The following PDE4A variants were observed in gnomAD, a reference collection of about 807,000 sequenced individuals.
PDE4A encodes the protein phosphodiesterase 4A.
Under a neutral mutation model 73.9 loss-of-function variants are expected in PDE4A, and 21 were observed. The ratio of observed to expected loss-of-function variants is 0.28; its 90% CI spans 0.20 to 0.41. The LOEUF is 0.41. PDE4A is among the 10% of genes least tolerant of loss of function. The probability of loss-of-function intolerance (pLI) is 1.00; values close to 1 mark genes in which losing one functional copy is unlikely to be tolerated. For missense variants in PDE4A, 958 were observed against 1,211.4 expected (o/e 0.79, Z 3.10); for synonymous variants, 463 against 505.4 (o/e 0.92, Z 1.13).
At chr19:10,417,887 G>A (rs1420029917), upstream of PDE4A, 6 of 1,540,338 alleles carry the variant, frequency 3.9e-6, no homozygotes, top group Non-Finnish European at 5.2e-6. Context: ...AGGGAGCAGA[G>A]TGGGAGGTGG....
chr19:10,427,834 A>T, intron 1 of PDE4A: 1 of 985,300 alleles, frequency 1.0e-6, no homozygotes, highest in Non-Finnish European at 1.2e-6. Flanking sequence ...TTGGTCGGTG[A>T]ACAAAAATGC....
chr19:10,418,802 C>T (rs1599391599), upstream of PDE4A: 2 of 985,218 alleles, frequency 2.0e-6, no homozygotes, highest in South Asian at 9.4e-5. Flanking sequence ...CAGCATACCC[C>T]GCCAAGAATT....
intron 1 of PDE4A, among the ~76,000 whole-genome samples, chr19:10,427,180 A>G (rs940910383): frequency 3.3e-5 from 5 of 152,074 alleles, no homozygotes; most frequent in Non-Finnish European, 5.9e-5. Flanking sequence ...AGTGCCTGTA[A>G]TCCCAGCTAC....
chr19:10,467,307 GCA>G lies in PDE4A; in HGVS notation c.2350_2351del (p.Gln784ValfsTer11). ...GGAGGCAGTGTATTTGACACAGCAG[GCA>G]CAGTCCACAGGCAGTGCACCTGTGG... ...ELEAVYLTQQ[A>X]QSTGSAPVAP... On this transcript the variant is annotated frameshift_variant, in exon 15 of 15. Coordinates refer to ENST00000380702, the MANE Select transcript of PDE4A (RefSeq NM_001111307.2). LOFTEE classifies it low-confidence loss of function (END_TRUNC). 2 of 1,614,202 alleles carry G rather than the reference GCA, an allele frequency of 1.2e-6. No individual in the cohort carries two copies. Among genetic ancestry groups the G allele is most frequent in the Non-Finnish European group, 1.7e-6 (2 of 1,180,036 alleles).
At position 10,457,751 on chromosome 19, in the gene PDE4A, A is replaced by G. The variant is rs1266548454; in HGVS notation, c.878-128A>G. 3 of 1,473,158 alleles carry G rather than the reference A, an allele frequency of 2.0e-6. No individual in the cohort carries two copies. In the African/African-American group the frequency reaches 4.2e-5, roughly 21 times the overall value. 91.3% of individuals were successfully genotyped at this position (1,473,158 alleles called of 1,614,324 possible). A position where few individuals can be genotyped will look rare whatever the true frequency, so the allele number is the denominator to read the frequency against. The stretch of plus-strand genomic sequence containing the variant: ...TTCCTGACTCTGAGTAGCCAGCGGC[A>G]TCACAGCTGAAAGGGTTCTGCCGTT... On this transcript the variant is annotated intron_variant, in intron 7 of 14. Coordinates refer to ENST00000380702, the MANE Select transcript of PDE4A (RefSeq NM_001111307.2).
At chr19:10,440,271 A>G (rs2042919742) in intron 1 of PDE4A, among the ~76,000 whole-genome samples, 1 of 151,990 alleles carries the variant, frequency 6.6e-6, no homozygotes, top group Non-Finnish European at 1.5e-5. Flanking sequence ...GGCATGAGCC[A>G]CCTCACCAGA....
chr19:10,463,789 G>A lies in PDE4A; in HGVS notation c.1744-4G>A. 1 of 1,613,962 alleles carries A rather than the reference G, an allele frequency of 6.2e-7. No individual in the cohort carries two copies. Among genetic ancestry groups the A allele is most frequent in the Non-Finnish European group, 8.5e-7 (1 of 1,179,902 alleles). On this transcript the variant is annotated splice_polypyrimidine_tract_variant and splice_region_variant and intron_variant, in intron 13 of 14. Coordinates refer to ENST00000380702, the MANE Select transcript of PDE4A (RefSeq NM_001111307.2). ...AGTTTCCCCTGTGCCCCAACCCCAT[G>A]CAGGTCCTCCGGAACATGGTGCACT... is the stretch of plus-strand genomic sequence containing the variant.
At chr19:10,448,735 C>T (rs2043048264) in intron 2 of PDE4A, 182 bp from the exon 3 acceptor site, 3 of 819,138 alleles carry the variant, frequency 3.7e-6, no homozygotes, top group Non-Finnish European at 4.4e-6. Flanking sequence ...CCTTGACTGC[C>T]ATTTCTTCCA....
chr19:10,432,706 C>T, intron 1 of PDE4A: 2 of 769,094 alleles, frequency 2.6e-6, no homozygotes, highest in South Asian at 4.0e-5. Flanking sequence ...GCCCCACCCC[C>T]TTTCCTGGCT....
chr19:10,427,625 A>G (rs1280160961), intron 1 of PDE4A: 27 of 985,032 alleles, frequency 2.7e-5, no homozygotes, highest in Non-Finnish European at 2.9e-5. Context: ...CCTCATGGCT[A>G]AAATTCCTGT....
At chr19:10,461,272 T>C (rs1207739870) in intron 11 of PDE4A, among the ~76,000 whole-genome samples, 169 bp downstream of exon 11, 81 of 46,384 alleles carry the variant, frequency 1.7e-3, no homozygotes, top group Non-Finnish European at 2.3e-3. Context: ...CGGGGCTGGC[T>C]GGGCTGGAAA....
At chr19:10,443,363 G>A (rs2145512949) in intron 1 of PDE4A, among the ~76,000 whole-genome samples, 1 of 151,562 alleles carries the variant, frequency 6.6e-6, no homozygotes, top group Middle Eastern at 3.5e-3. Context: ...TGGACAACAT[G>A]GCGAGACCCC....
chr19:10,461,559 C>T lies in PDE4A; in HGVS notation c.1499C>T (p.Ser500Leu). The T allele has an allele frequency of 6.2e-7, 1 of 1,614,076 alleles. No homozygotes were observed. Among genetic ancestry groups the T allele is most frequent in the Non-Finnish European group, 8.5e-7 (1 of 1,180,012 alleles). The change falls in exon 12 of 15, where the codon TCG (serine) becomes TTG (leucine). Residue 500 changes from serine (S) to leucine (L), a missense_variant. Coordinates refer to ENST00000380702, the MANE Select transcript of PDE4A (RefSeq NM_001111307.2). Reference sequence around the variant, plus strand: ...CTGGCGCTCATGTACAACGATGAGTCGGTGCTCGAGAATCACCACCTGGCC... The same window carrying T: ...CTGGCGCTCATGTACAACGATGAGTTGGTGCTCGAGAATCACCACCTGGCC... ...SELALMYNDESVLENHHLAVG... is the reference protein window; with the variant it reads ...SELALMYNDELVLENHHLAVG...
intron 6 of PDE4A, among the ~76,000 whole-genome samples, chr19:10,452,751 G>A (rs970868798): frequency 2.0e-5 from 3 of 152,082 alleles, no homozygotes. Context: ...ATCTGTGAGT[G>A]TAAAGTGGAT....
intron 1 of PDE4A, among the ~76,000 whole-genome samples, chr19:10,444,734 G>A (rs1317118353): frequency 6.7e-6 from 1 of 149,996 alleles, no homozygotes; most frequent in Non-Finnish European, 1.5e-5. Context: ...GCAGTGGCAA[G>A]ATCTTGGCCC....
chr19:10,417,132 T>TACCCCCTTG (rs1402479938), upstream of PDE4A: 26 of 1,438,590 alleles, frequency 1.8e-5, no homozygotes, highest in Middle Eastern at 3.6e-4. Context: ...TGCCTCAGTT[T>TACCCCCTTG]ACCCCCTTGA....
chr19:10,431,082 G>A, intron 1 of PDE4A: 1 of 1,551,572 alleles, frequency 6.4e-7, no homozygotes, highest in Non-Finnish European at 8.7e-7. Flanking sequence ...TTGGGCTGGG[G>A]CTGGGTAAGT....
At chr19:10,466,859 C>A (rs1309817077) in intron 14 of PDE4A, 28 bp from the exon 15 acceptor site, 1 of 1,600,638 alleles carries the variant, frequency 6.2e-7, no homozygotes, top group Admixed American at 1.7e-5. Flanking sequence ...CATAGGCCGC[C>A]CATTTATACT....
upstream of PDE4A, chr19:10,420,517 A>ACGCGGAG (rs927550639): frequency 2.8e-4 from 291 of 1,047,786 alleles, no homozygotes; most frequent in Middle Eastern, 8.2e-4. This position sits in a 1 kb window ranked among gnomAD's most constrained non-coding sequence, Gnocchi z 6.0. Flanking sequence ...GGGCCGCGGA[A>ACGCGGAG]CGCGGAGCGC....
Sources: gnomAD v4.1 joint callset for allele counts (sites outside exome capture counted in the v4.1 genomes callset) on GRCh38, gnomAD v4.1.1 for gene constraint, Gnocchi (gnomAD v3.1) non-coding constraint, MANE v1.5 for transcripts, NCBI Gene and HGNC (gene_info 2026-07-23, HGNC 2026-07-21) for gene names.